The following PHF21A variants were observed in gnomAD, a reference collection of about 807,000 sequenced individuals.
PHF21A encodes the protein BHC80a.
PHF21A carries 11 observed loss-of-function variants against 82.5 expected under a neutral mutation model. The observed-to-expected ratio is 0.13, with a 90% CI of 0.08 to 0.22. The LOEUF is 0.22. PHF21A is among the 10% of genes least tolerant of loss of function. The pLI is 1.00. For synonymous variants in PHF21A, 297 were observed against 302.8 expected, an observed-to-expected ratio of 0.98 and a Z score of 0.20; for missense variants, 579 against 837.8, an observed-to-expected ratio of 0.69 and a Z score of 3.81.
Position 45,933,898 on chromosome 11 carries a change from T to C in PHF21A, c.*70A>G. 1 of 1,398,716 alleles carries C rather than the reference T, an allele frequency of 7.1e-7. No individual in the cohort carries two copies. The allele number at this position is 1,398,716 out of a possible 1,614,324, so 86.6% of individuals were successfully genotyped here. A position where few individuals can be genotyped will look rare whatever the true frequency, so the allele number is the denominator to read the frequency against. ...GCACTTTCCAGAAATCCGGCTTTGCTTTTCTAGAGTCTTCAGTGTTCTGTT... is the reference window on the plus strand; with the variant it reads ...GCACTTTCCAGAAATCCGGCTTTGCCTTTCTAGAGTCTTCAGTGTTCTGTT... On this transcript the variant is annotated 3_prime_UTR_variant, in exon 19 of 19. Transcript: ENST00000676320.
At chr11:46,057,983 C>T (rs897689922) in intron 6 of PHF21A, among the ~76,000 whole-genome samples, 1 of 152,172 alleles carries the variant, frequency 6.6e-6, no homozygotes, top group Non-Finnish European at 1.5e-5. Context: ...CAAAACATAC[C>T]TGTTTTCCTA....
At chr11:46,072,994 G>A (rs2220546) in intron 6 of PHF21A, among the ~76,000 whole-genome samples, 22,463 of 152,084 alleles carry the variant, frequency 0.15, 3,475 homozygotes, top group East Asian at 0.62. Context: ...AAATCAGGGT[G>A]TGGGGAGTGA....
intron 10 of PHF21A, among the ~76,000 whole-genome samples, chr11:45,963,344 C>T (rs1021101242): frequency 1.5e-4 from 23 of 149,020 alleles, no homozygotes; most frequent in Admixed American, 2.0e-4. Context: ...TGTTTGAATC[C>T]GGGAGGTGGA....
intron 6 of PHF21A, among the ~76,000 whole-genome samples, chr11:45,983,494 G>GA (rs36102025): frequency 7.6e-4 from 113 of 149,502 alleles, no homozygotes; most frequent in African/African-American, 2.0e-3. Flanking sequence ...TGCTATCTGT[G>GA]AAAAAAAAAA....
intron 6 of PHF21A, among the ~76,000 whole-genome samples, chr11:46,075,657 C>A (rs192655802): frequency 6.6e-6 from 1 of 152,054 alleles, no homozygotes; most frequent in Non-Finnish European, 1.5e-5. Context: ...AAGATGGGGA[C>A]GCATAAGAAT....
chr11:46,021,982 G>C (rs2095641336), intron 6 of PHF21A, among the ~76,000 whole-genome samples: 1 of 152,186 alleles, frequency 6.6e-6, no homozygotes, highest in Non-Finnish European at 1.5e-5. Flanking sequence ...GAAAAGATCT[G>C]TGTGTGTGCA....
At chr11:46,108,588 A>AT (rs67231476) in intron 1 of PHF21A, among the ~76,000 whole-genome samples, 51,435 of 117,706 alleles carry the variant, frequency 0.44, 10,153 homozygotes, top group South Asian at 0.52. Flanking sequence ...TATATATATA[A>AT]AATACATATG....
In PHF21A at chr11:45,975,070, T is replaced by C. The variant is rs1029167976; in HGVS notation, c.361-3703A>G. The stretch of plus-strand genomic sequence containing the variant: ...GGGTCATGCCTATAATCCCAGCACT[T>C]TGGGAGGCTAAGGTGGGCGGATCAC... On this transcript the variant is annotated intron_variant, in intron 7 of 18. Transcript: ENST00000676320. Among the ~76,000 whole-genome samples the C allele has an allele frequency of 5.3e-5, 8 of 152,124 alleles. No homozygotes were observed. In the South Asian group the frequency reaches 1.0e-3, roughly 20 times the overall value.
chr11:46,063,005 G>A (rs2096554105), intron 6 of PHF21A, among the ~76,000 whole-genome samples: 1 of 152,300 alleles, frequency 6.6e-6, no homozygotes, highest in Non-Finnish European at 1.5e-5. Context: ...TGCTCATCTT[G>A]ATCGTGATGA....
At chr11:46,033,691 T>G (rs527591742) in intron 6 of PHF21A, among the ~76,000 whole-genome samples, 57 of 152,346 alleles carry the variant, frequency 3.7e-4, no homozygotes, top group African/African-American at 1.2e-3. Flanking sequence ...ATATGGCTAT[T>G]GAGCACTTAA....
Position 45,933,860 on chromosome 11 carries a change from C to A in PHF21A, c.*108G>T. The A allele has an allele frequency of 8.7e-7, 1 of 1,144,176 alleles. No individual in the cohort carries two copies. The highest frequency in any genetic ancestry group is 1.9e-5 in the South Asian group (1 of 52,780). 70.9% of individuals were successfully genotyped at this position (1,144,176 alleles called of 1,614,324 possible). On this transcript the variant is annotated 3_prime_UTR_variant, in exon 19 of 19. Coordinates refer to ENST00000676320, the MANE Select transcript of PHF21A (RefSeq NM_001352027.3). Reference sequence around the variant, plus strand: ...CTTCTCTCTCTCTGGAACCAAAGAACCAAAAGAATTCTGCACTTTCCAGAA... The same window carrying A: ...CTTCTCTCTCTCTGGAACCAAAGAAACAAAAGAATTCTGCACTTTCCAGAA...
intron 6 of PHF21A, among the ~76,000 whole-genome samples, chr11:46,055,254 T>A (rs1206579475): frequency 6.6e-6 from 1 of 152,186 alleles, no homozygotes; most frequent in Non-Finnish European, 1.5e-5. Context: ...ATTTTTTTTA[T>A]CATTTCCAAA....
intron 6 of PHF21A, among the ~76,000 whole-genome samples, chr11:45,990,205 G>A (rs1290255085): frequency 1.3e-5 from 2 of 149,708 alleles, no homozygotes; most frequent in Non-Finnish European, 3.0e-5. Context: ...ACTTTAGAAA[G>A]GATGGAATGG....
intron 14 of PHF21A, 46 bp downstream of exon 14, chr11:45,948,838 CAA>C: frequency 2.1e-6 from 3 of 1,412,694 alleles, no homozygotes; most frequent in Non-Finnish European, 3.0e-6. Flanking sequence ...AACACACACA[CAA>C]AGCAAAAGCA....
At chr11:45,972,868 T>C (rs1973721) in intron 7 of PHF21A, among the ~76,000 whole-genome samples, 132,856 of 150,994 alleles carry the variant, frequency 0.88, 58,575 homozygotes, top group East Asian at 1. Context: ...GAGCAGAAAT[T>C]GTGCCACTGC....
rs989554228 is a variant in PHF21A at position 46,073,349 on chromosome 11, A to C, written c.153+3405T>G. Among the ~76,000 whole-genome samples, 16 of 151,588 alleles carry C rather than the reference A, an allele frequency of 1.1e-4. 1 individual carries two copies. Among genetic ancestry groups the C allele is most frequent in the African/African-American group, 3.9e-4 (16 of 41,264 alleles). Reference sequence around the variant, plus strand: ...TCTCAAAAAAAAAAAAAAAAGTTGGATTCTCTGATTAGAGTGGTTCATATA... The same window carrying C: ...TCTCAAAAAAAAAAAAAAAAGTTGGCTTCTCTGATTAGAGTGGTTCATATA... On this transcript the variant is annotated intron_variant, in intron 6 of 18. Transcript: ENST00000676320.
chr11:46,111,369 C>T (rs890959624), intron 1 of PHF21A, among the ~76,000 whole-genome samples: 12 of 151,800 alleles, frequency 7.9e-5, no homozygotes, highest in Admixed American at 2.0e-4. Flanking sequence ...GCTCGAGAGG[C>T]TGAGGCATGA....
intron 1 of PHF21A, among the ~76,000 whole-genome samples, chr11:46,094,048 C>T (rs1445661757): frequency 2.6e-5 from 4 of 152,058 alleles, no homozygotes; most frequent in Non-Finnish European, 5.9e-5. Flanking sequence ...AATTATATTA[C>T]GTATAATCAA....
intron 1 of PHF21A, among the ~76,000 whole-genome samples, chr11:46,112,105 C>T (rs1364744445): frequency 6.6e-6 from 1 of 152,160 alleles, no homozygotes; most frequent in Non-Finnish European, 1.5e-5. Context: ...ACTAGACAGG[C>T]AGAGCTGAAT....
Sources: gnomAD v4.1 joint callset for allele counts (sites outside exome capture counted in the v4.1 genomes callset) on GRCh38, gnomAD v4.1.1 for gene constraint, MANE v1.5 for transcripts, NCBI Gene and HGNC (gene_info 2026-07-23, HGNC 2026-07-21) for gene names.